UTRN: variants seen among roughly 807,000 people sequenced by gnomAD.
The protein encoded by UTRN is utrophin.
In UTRN, 283 loss-of-function variants were observed where a neutral mutation model predicts 463.9. That is an observed-to-expected ratio of 0.61 (90% CI 0.55 to 0.67). The LOEUF is 0.67. UTRN is among the 30% of genes least tolerant of loss of function. The probability of loss-of-function intolerance (pLI) is 0.00; values close to 1 mark genes in which losing one functional copy is unlikely to be tolerated. For missense variants in UTRN, 3,922 were observed against 4,084.3 expected, an observed-to-expected ratio of 0.96 and a Z score of 1.08; for synonymous variants, 1,442 against 1,431.5, an observed-to-expected ratio of 1.01 and a Z score of -0.17.
chr6:144,646,412 C>T (rs560738990), intron 51 of UTRN, among the ~76,000 whole-genome samples: 1 of 152,278 alleles, frequency 6.6e-6, no homozygotes, highest in African/African-American at 2.4e-5. Flanking sequence ...CTAGGTTCCT[C>T]TGTGGCTGTC....
chr6:144,448,926 G>A (rs1312155293), intron 17 of UTRN, among the ~76,000 whole-genome samples, 157 bp downstream of exon 17: 2 of 152,148 alleles, frequency 1.3e-5, no homozygotes, highest in Non-Finnish European at 2.9e-5. Flanking sequence ...CACTGCCCCT[G>A]TCTTCTGAAT....
At chr6:144,533,303 T>G in intron 43 of UTRN, 43 bp downstream of exon 43, 2 of 1,593,884 alleles carry the variant, frequency 1.3e-6, no homozygotes, top group South Asian at 1.1e-5. Flanking sequence ...AGTGAACATA[T>G]TTTGGATAGA....
intron 51 of UTRN, chr6:144,583,505 G>T: frequency 1.4e-6 from 1 of 715,642 alleles, no homozygotes; most frequent in Non-Finnish European, 2.6e-6. Context: ...TAAAATGATG[G>T]CTGTGGTGAG....
In UTRN at chr6:144,811,162, A is replaced by C. The variant is rs555146911; in HGVS notation, c.9357+8015A>C. 1.9e-4 allele frequency among the ~76,000 whole-genome samples: 29 copies of C among 152,182 alleles called. No homozygotes were observed. In the South Asian group the frequency reaches 5.6e-3, roughly 29 times the overall value. ...CAAAAATAAAACACACACACACACA[A>C]AACACCCGAAAAGAACAAAGAAAAA... On this transcript the variant is annotated intron_variant, in intron 65 of 74. Transcript: ENST00000367545.
chr6:144,390,750 C>T (rs1471769432), intron 2 of UTRN, among the ~76,000 whole-genome samples: 2 of 152,152 alleles, frequency 1.3e-5, no homozygotes, highest in African/African-American at 4.8e-5. Context: ...TCCGTGATCC[C>T]CTTTTCATCC....
chr6:144,296,648 C>A (rs1562715801), intron 2 of UTRN, among the ~76,000 whole-genome samples: 1 of 152,248 alleles, frequency 6.6e-6, no homozygotes, highest in Non-Finnish European at 1.5e-5. Context: ...ATGGAGTGCC[C>A]AGTCTCCTAA....
At chr6:144,477,533 T>TACACACACACACACACACAC (rs10651559) in intron 25 of UTRN, among the ~76,000 whole-genome samples, 1 of 146,758 alleles carries the variant, frequency 6.8e-6, no homozygotes, top group Non-Finnish European at 1.5e-5. Flanking sequence ...TTTCTCTTTA[T>TACACACACACACACACACAC]ACACACACAC....
At chr6:144,563,517 G>A (rs185888838) in intron 50 of UTRN, among the ~76,000 whole-genome samples, 4 of 152,220 alleles carry the variant, frequency 2.6e-5, no homozygotes, top group African/African-American at 4.8e-5. Context: ...TGTCATTCCC[G>A]AATGAATGGG....
chr6:144,433,788 G>A (rs1195698822), intron 9 of UTRN, among the ~76,000 whole-genome samples: 28 of 151,158 alleles, frequency 1.9e-4, no homozygotes, highest in East Asian at 1.6e-3. Context: ...ATGGGATGGC[G>A]GCCGGGAAGA....
At chr6:144,577,025 T>C (rs1173250239) in intron 50 of UTRN, 74 bp from the exon 51 acceptor site, 2 of 1,462,710 alleles carry the variant, frequency 1.4e-6, no homozygotes, top group Non-Finnish European at 1.9e-6. Flanking sequence ...TAGTTTTTTA[T>C]TTAGGGGATG....
intron 73 of UTRN, among the ~76,000 whole-genome samples, chr6:144,843,346 C>T (rs1036224682): frequency 6.6e-6 from 1 of 151,748 alleles, no homozygotes; most frequent in Non-Finnish European, 1.5e-5. Context: ...GGATTTTTTC[C>T]AAGTTCCATT....
intron 54 of UTRN, among the ~76,000 whole-genome samples, chr6:144,740,725 A>AT (rs1177450416): frequency 3.9e-5 from 6 of 152,242 alleles, no homozygotes; most frequent in Non-Finnish European, 8.8e-5. Flanking sequence ...GAGTAAGCCC[A>AT]TCGATTGGGT....
intron 23 of UTRN, among the ~76,000 whole-genome samples, chr6:144,470,430 G>T (rs550285108): frequency 9.5e-4 from 145 of 152,106 alleles, no homozygotes; most frequent in African/African-American, 3.4e-3. Context: ...CCCAGACGGG[G>T]TCGCGGCCGG....
chr6:144,309,138 C>T (rs74984723), intron 2 of UTRN, among the ~76,000 whole-genome samples: 2,996 of 152,272 alleles, frequency 0.02, 113 homozygotes, highest in African/African-American at 0.068. Flanking sequence ...TTCTAGGACA[C>T]CCCACACGCT....
intron 2 of UTRN, among the ~76,000 whole-genome samples, chr6:144,295,237 G>A (rs773469159): frequency 7.9e-5 from 12 of 152,194 alleles, no homozygotes; most frequent in Non-Finnish European, 1.0e-4. Flanking sequence ...AATGGTTTGG[G>A]ATGCATATAC....
chr6:144,427,663 C>T (rs1785411443), intron 7 of UTRN, among the ~76,000 whole-genome samples: 1 of 152,014 alleles, frequency 6.6e-6, no homozygotes, highest in Admixed American at 6.5e-5. Flanking sequence ...TTTTTTGGTA[C>T]ACTTTTTATG....
intron 60 of UTRN, among the ~76,000 whole-genome samples, chr6:144,779,268 G>C (rs1775607758): frequency 1.3e-5 from 2 of 152,186 alleles, no homozygotes; most frequent in South Asian, 2.1e-4. Context: ...GTGGGGAGCT[G>C]TAGTTCCCTA....
chr6:144,448,075 C>T (rs1320235273), intron 16 of UTRN, among the ~76,000 whole-genome samples: 1 of 152,052 alleles, frequency 6.6e-6, no homozygotes, highest in Non-Finnish European at 1.5e-5. Context: ...ATTAGTCAAA[C>T]ATAAAACATT....
At chr6:144,665,730 G>A (rs1007195655) in intron 51 of UTRN, among the ~76,000 whole-genome samples, 17 of 152,334 alleles carry the variant, frequency 1.1e-4, no homozygotes, top group African/African-American at 4.1e-4. Flanking sequence ...CTGGAGGGCT[G>A]TTCTGAGGGT....
Sources: allele counts gnomAD v4.1 joint callset (sites outside exome capture counted in the v4.1 genomes callset), GRCh38; gene constraint gnomAD v4.1.1; transcripts MANE v1.5; gene names NCBI Gene and HGNC (gene_info 2026-07-23, HGNC 2026-07-21).